CUL3: variants seen among roughly 807,000 people sequenced by gnomAD.
The protein encoded by CUL3 is cullin-3.
CUL3 carries 19 observed loss-of-function variants against 89.1 expected under a neutral mutation model. The ratio of observed to expected loss-of-function variants is 0.21; its 90% CI spans 0.15 to 0.31. CUL3 has a LOEUF of 0.31. Among genes scored for constraint, CUL3 ranks in the 10% least tolerant of loss-of-function variants. The pLI is 1.00. For missense variants in CUL3, 469 were observed against 942.3 expected (o/e 0.50, Z 6.58); for synonymous variants, 351 against 308.4 (o/e 1.14, Z -1.45).
In CUL3 at chr2:224,540,130, C is replaced by T. The variant is rs1366510581; in HGVS notation, c.265-4489G>A. 2.6e-5 allele frequency among the ~76,000 whole-genome samples: 4 copies of T among 151,204 alleles called. No homozygotes were observed. The East Asian group carries it at 7.8e-4, about 29-fold the overall frequency. On this transcript the variant is annotated intron_variant, in intron 2 of 15. Coordinates refer to ENST00000264414, the MANE Select transcript of CUL3 (RefSeq NM_003590.5). ...GGGGTCCAGTGGCGCAATCTTGGCT[C>T]ACTGCAACCTCTGTCTCCCAGGTTT...
chr2:224,549,011 A>G (rs1694407187), intron 2 of CUL3, among the ~76,000 whole-genome samples: 1 of 151,064 alleles, frequency 6.6e-6, no homozygotes, highest in African/African-American at 2.4e-5. Context: ...CCAAAAAACA[A>G]CAACAACAAC....
At chr2:224,502,884 C>A in intron 10 of CUL3, 81 bp downstream of exon 10, 1 of 934,862 alleles carries the variant, frequency 1.1e-6, no homozygotes. Context: ...AAACAACTGT[C>A]ATCTGCTAAG....
At chr2:224,565,158 C>G (rs1695010532) in intron 1 of CUL3, among the ~76,000 whole-genome samples, 1 of 152,126 alleles carries the variant, frequency 6.6e-6, no homozygotes, top group African/African-American at 2.4e-5. Context: ...CAAAGCTTTA[C>G]CAATAACATA....
intron 11 of CUL3, 125 bp downstream of exon 11, chr2:224,500,235 GCTC>G: frequency 1.8e-6 from 2 of 1,100,134 alleles, no homozygotes; most frequent in Non-Finnish European, 2.6e-6. Context: ...CAGGATAAAT[GCTC>G]CTTTTGATCA....
At chr2:224,483,995 G>C (rs1368439819) in intron 13 of CUL3, among the ~76,000 whole-genome samples, 1 of 152,078 alleles carries the variant, frequency 6.6e-6, no homozygotes, top group Non-Finnish European at 1.5e-5. Flanking sequence ...TTCAAAATCA[G>C]CCTGGTCAAC....
At chr2:224,557,533 C>T (rs1385696054) in intron 2 of CUL3, 126 bp downstream of exon 2, 9 of 592,962 alleles carry the variant, frequency 1.5e-5, no homozygotes, top group East Asian at 1.1e-4. Context: ...TTAACAGTCA[C>T]GAATTAGTAA....
intron 10 of CUL3, among the ~76,000 whole-genome samples, 174 bp from the exon 11 acceptor site, chr2:224,500,661 C>T (rs1429184044): frequency 2.1e-5 from 3 of 143,196 alleles, no homozygotes; most frequent in Non-Finnish European, 4.5e-5. Flanking sequence ...GAGTTTCGCT[C>T]GTTGCCCAGG....
Position 224,548,656 on chromosome 2 carries a change from A to G in CUL3, c.264+9003T>C, listed in dbSNP as rs1445242811. 2.6e-5 allele frequency among the ~76,000 whole-genome samples: 4 copies of G among 152,198 alleles called. No individual in the cohort carries two copies. In the East Asian group the frequency reaches 7.7e-4, roughly 29 times the overall value. On this transcript the variant is annotated intron_variant, in intron 2 of 15. Coordinates refer to ENST00000264414, the MANE Select transcript of CUL3 (RefSeq NM_003590.5). ...AACTGCTAAGCATTACAAAATTGAG[A>G]TAATAAAGCTCTTCCCATATTAAAA... is the stretch of plus-strand genomic sequence containing the variant.
In CUL3 at chr2:224,474,112, G is replaced by C. The variant is rs1691228480; in HGVS notation, c.*133C>G. 1.1e-6 allele frequency: 1 copy of C among 882,932 alleles called. No individual in the cohort carries two copies. Among genetic ancestry groups the C allele is most frequent in the Admixed American group, 2.8e-5 (1 of 35,246 alleles). 54.7% of individuals were successfully genotyped at this position (882,932 alleles called of 1,614,324 possible). ...AAACTCTCAAAGGGAGTAAAGGCTT[G>C]ATCTCAATGGTCTAGAACATGTACT... On this transcript the variant is annotated 3_prime_UTR_variant, in exon 16 of 16. Coordinates refer to ENST00000264414, the MANE Select transcript of CUL3 (RefSeq NM_003590.5).
intron 1 of CUL3, among the ~76,000 whole-genome samples, chr2:224,573,976 A>T (rs1328992488): frequency 6.6e-6 from 1 of 152,202 alleles, no homozygotes; most frequent in Non-Finnish European, 1.5e-5. Flanking sequence ...GATGAAAAAG[A>T]AAAAGGAATT....
At chr2:224,491,158 TA>T (rs1330392633) in intron 13 of CUL3, among the ~76,000 whole-genome samples, 2 of 152,222 alleles carry the variant, frequency 1.3e-5, no homozygotes, top group African/African-American at 4.8e-5. Flanking sequence ...TGTCGAGTTT[TA>T]TTTAAAAATA....
At chr2:224,578,134 T>G (rs1207394118) in intron 1 of CUL3, among the ~76,000 whole-genome samples, 3 of 152,196 alleles carry the variant, frequency 2.0e-5, no homozygotes, top group Non-Finnish European at 4.4e-5. Flanking sequence ...TTCAGTTACG[T>G]GCAGCCCAAT....
intron 2 of CUL3, among the ~76,000 whole-genome samples, chr2:224,548,783 A>G (rs1694398320): frequency 6.6e-6 from 1 of 150,874 alleles, no homozygotes; most frequent in Non-Finnish European, 1.5e-5. Flanking sequence ...GGATCACTTG[A>G]GCCCTGGAGT....
intron 14 of CUL3, chr2:224,480,150 G>GC (rs112498365): frequency 0.027 from 4,139 of 152,710 alleles, 201 homozygotes; most frequent in African/African-American, 0.095. Context: ...TCTGGAAACT[G>GC]CCCCCCCAGA....
intron 1 of CUL3, among the ~76,000 whole-genome samples, chr2:224,578,674 T>C (rs920847808): frequency 1.3e-5 from 2 of 152,166 alleles, no homozygotes; most frequent in Non-Finnish European, 2.9e-5. Context: ...TAGTAATACC[T>C]TTACATTCTG....
At chr2:224,569,657 T>C (rs1423601424) in intron 1 of CUL3, 62 of 1,048,226 alleles carry the variant, frequency 5.9e-5, no homozygotes, top group Non-Finnish European at 7.0e-5. Context: ...AATGCCTGAA[T>C]TTGAAAGGAT....
chr2:224,489,953 C>T, intron 13 of CUL3, among the ~76,000 whole-genome samples: 1 of 152,156 alleles, frequency 6.6e-6, no homozygotes, highest in Non-Finnish European at 1.5e-5. Flanking sequence ...GCGATCTATC[C>T]ATCTGACAAA....
At chr2:224,523,660 A>T (rs964274375) in intron 3 of CUL3, among the ~76,000 whole-genome samples, 2 of 152,358 alleles carry the variant, frequency 1.3e-5, no homozygotes, top group Non-Finnish European at 2.9e-5. Context: ...AGGTGAAAAC[A>T]ACTCAAGTGT....
chr2:224,550,524 A>G (rs897809606), intron 2 of CUL3, among the ~76,000 whole-genome samples: 17 of 152,184 alleles, frequency 1.1e-4, no homozygotes, highest in African/African-American at 4.1e-4. Context: ...TTTGATTTGC[A>G]TATCAAATTT....
Sources: gnomAD v4.1 joint callset for allele counts (sites outside exome capture counted in the v4.1 genomes callset) on GRCh38, gnomAD v4.1.1 for gene constraint, MANE v1.5 for transcripts, NCBI Gene and HGNC (gene_info 2026-07-23, HGNC 2026-07-21) for gene names.